Variants in SMYD4 observed in about 807,000 individuals in gnomAD.
The protein encoded by SMYD4 is protein-lysine N-methyltransferase SMYD4.
In SMYD4, 68 loss-of-function variants were observed where a neutral mutation model predicts 72.8. The ratio of observed to expected loss-of-function variants is 0.93; its 90% CI spans 0.77 to 1.14. SMYD4 has a LOEUF of 1.14. Ranked by LOEUF, SMYD4 falls within the 50% of genes most tolerant of loss-of-function variation. The probability of loss-of-function intolerance (pLI) is 0.00; values close to 1 mark genes in which losing one functional copy is unlikely to be tolerated. For synonymous variants in SMYD4, 407 were observed against 388.6 expected, an observed-to-expected ratio of 1.05 and a Z score of -0.56; for missense variants, 984 against 1,003.7, an observed-to-expected ratio of 0.98 and a Z score of 0.27.
chr17:1,826,467 G>A (rs905219225), intron 2 of SMYD4, among the ~76,000 whole-genome samples: 11 of 135,978 alleles, frequency 8.1e-5, no homozygotes, highest in African/African-American at 3.0e-4. Context: ...ACTCCAGCCT[G>A]GGCAACAAGA....
intron 2 of SMYD4, among the ~76,000 whole-genome samples, chr17:1,826,460 C>G (rs1043680955): frequency 4.9e-5 from 7 of 142,408 alleles, no homozygotes; most frequent in Non-Finnish European, 9.0e-5. Flanking sequence ...CCACTGCACT[C>G]CAGCCTGGGC....
intron 3 of SMYD4, among the ~76,000 whole-genome samples, chr17:1,806,994 G>A (rs577626148): frequency 8.1e-4 from 123 of 151,964 alleles, no homozygotes; most frequent in Middle Eastern, 6.8e-3. Flanking sequence ...GGGTTCAAGC[G>A]ATTCTCCAGC....
intron 2 of SMYD4, among the ~76,000 whole-genome samples, chr17:1,815,046 A>ATG (rs1910517040): frequency 6.6e-6 from 1 of 151,822 alleles, no homozygotes; most frequent in Admixed American, 6.6e-5. Context: ...CTAACAATAG[A>ATG]TTATGAACTC....
chr17:1,790,721 TAGTC>T (rs1240430609), intron 5 of SMYD4, among the ~76,000 whole-genome samples: 1 of 151,998 alleles, frequency 6.6e-6, no homozygotes, highest in African/African-American at 2.4e-5. Flanking sequence ...TTCAGCATGT[TAGTC>T]AGGCTAGTCT....
intron 1 of SMYD4, among the ~76,000 whole-genome samples, chr17:1,828,966 T>C (rs1316650788): frequency 2.7e-5 from 3 of 109,924 alleles, no homozygotes; most frequent in Non-Finnish European, 6.9e-5. Context: ...CAACTATTCA[T>C]TTAACAAGGT....
At chr17:1,797,199 AG>A (rs1463000302) in intron 5 of SMYD4, among the ~76,000 whole-genome samples, 1 of 152,220 alleles carries the variant, frequency 6.6e-6, no homozygotes, top group Admixed American at 6.5e-5. Flanking sequence ...AAGCATGTAG[AG>A]TTTAGTGAAG....
At chr17:1,817,014 T>C (rs1312791080) in intron 2 of SMYD4, among the ~76,000 whole-genome samples, 1 of 151,982 alleles carries the variant, frequency 6.6e-6, no homozygotes, top group African/African-American at 2.4e-5. Flanking sequence ...GGTTATCCTT[T>C]CACTCTCTTG....
chr17:1,810,129 A>T (rs1193890433), intron 3 of SMYD4, among the ~76,000 whole-genome samples: 1 of 152,166 alleles, frequency 6.6e-6, no homozygotes, highest in African/African-American at 2.4e-5. Context: ...TCAAGCTAAC[A>T]GTCTCATCAG....
chr17:1,802,645 T>C (rs1463449524), intron 4 of SMYD4, among the ~76,000 whole-genome samples: 1 of 152,242 alleles, frequency 6.6e-6, no homozygotes, highest in Non-Finnish European at 1.5e-5. Context: ...CCTGCTTTTC[T>C]CTTTTAGTCT....
rs1368136910 is a variant in SMYD4 at position 1,827,869 on chromosome 17, TGAAGA to T, written c.121_125del (p.Ser41ThrfsTer5). Reference sequence around the variant, plus strand: ...AAGCTTGATTTACTTACTGAAGAAGTGAAGAGGAGTGAAGAAAGATATCCCTCAAG... The same window carrying T: ...AAGCTTGATTTACTTACTGAAGAAGTGGAGTGAAGAAAGATATCCCTCAAG... On this transcript the variant is annotated frameshift_variant, in exon 2 of 11. Transcript: ENST00000305513. LOFTEE classifies it high-confidence loss of function. 23 of 1,602,272 alleles carry T rather than the reference TGAAGA, an allele frequency of 1.4e-5. No homozygotes were observed. The highest frequency in any genetic ancestry group is 2.0e-5 in the Non-Finnish European group (23 of 1,170,322).
intron 4 of SMYD4, chr17:1,804,381 C>T (rs143864261): frequency 6.3e-4 from 235 of 374,014 alleles, no homozygotes; most frequent in African/African-American, 3.8e-3. Context: ...TCCACTGTGT[C>T]GGCCACGCTG....
At chr17:1,818,046 CAAAAA>C (rs540448588) in intron 2 of SMYD4, among the ~76,000 whole-genome samples, 1 of 103,266 alleles carries the variant, frequency 9.7e-6, no homozygotes, top group African/African-American at 3.8e-5. Context: ...GACTCTGTCT[CAAAAA>C]AAAAAAAAAA....
chr17:1,808,872 T>C (rs1192104339), intron 3 of SMYD4, among the ~76,000 whole-genome samples: 1 of 152,202 alleles, frequency 6.6e-6, no homozygotes, highest in African/African-American at 2.4e-5. Context: ...AAAGCTTACA[T>C]TATTTAGCTA....
Position 1,827,900 on chromosome 17 carries a change from G to T in SMYD4, c.95C>A (p.Thr32Asn), listed in dbSNP as rs561553588. The change falls in exon 2 of 11, where the codon ACC becomes AAC. Residue 32 changes from threonine (T) to asparagine (N), a missense_variant. Transcript: ENST00000305513. The stretch of plus-strand genomic sequence containing the variant: ...GGAGTGAAGAAAGATATCCCTCAAG[G>T]TCTCTGCTGTAGAAATTGTGACCTG... ...SVQVTISTAE[T>N]LRDIFLHSSS... is the part of the protein sequence containing the mutation. The T allele has an allele frequency of 2.5e-6, 4 of 1,612,710 alleles. No individual in the cohort carries two copies. The highest frequency in any genetic ancestry group is 3.4e-6 in the Non-Finnish European group (4 of 1,178,814).
In SMYD4 at chr17:1,801,019, A is replaced by G; in HGVS notation, c.375T>C (p.Cys125=). 6.3e-7 allele frequency: 1 copy of G among 1,596,892 alleles called. No homozygotes were observed. The highest frequency in any genetic ancestry group is 1.1e-5 in the South Asian group (1 of 90,238). The change falls in exon 5 of 11, where the codon TGT becomes TGC. Residue 125 remains cysteine, a synonymous_variant. Transcript: ENST00000305513. ...TCTGTGCTCTGTTAATGTCTTTAAG[A>G]CACGTCTGAAAACAGAAAGAAAATC... ...ALFHLGQYET[C]LKDINRAQTH...
chr17:1,801,022 C>A lies in SMYD4; in HGVS notation c.372G>T (p.Thr124=). The A allele has an allele frequency of 6.3e-7, 1 of 1,586,870 alleles. No homozygotes were observed. The highest frequency in any genetic ancestry group is 1.3e-5 in the African/African-American group (1 of 74,220). ...AALFHLGQYE[T]CLKDINRAQT... ...GTGCTCTGTTAATGTCTTTAAGACA[C>A]GTCTGAAAACAGAAAGAAAATCCCA... The change falls in exon 5 of 11, where the codon ACG becomes ACT. Residue 124 remains threonine, a splice_region_variant and synonymous_variant. Coordinates refer to ENST00000305513, the MANE Select transcript of SMYD4 (RefSeq NM_052928.3).
intron 9 of SMYD4, 33 bp from the exon 10 acceptor site, chr17:1,783,191 G>GAACC: frequency 6.2e-7 from 1 of 1,613,884 alleles, no homozygotes; most frequent in Non-Finnish European, 8.5e-7. Flanking sequence ...TTCCAGAAAA[G>GAACC]AACCACTGTC....
At chr17:1,797,026 G>A (rs1909443826) in intron 5 of SMYD4, among the ~76,000 whole-genome samples, 2 of 149,766 alleles carry the variant, frequency 1.3e-5, no homozygotes, top group Admixed American at 1.3e-4. Context: ...ATTTTTAGAT[G>A]TTCCACGAGC....
chr17:1,788,858 T>C (rs1428076539), intron 5 of SMYD4, among the ~76,000 whole-genome samples: 1 of 152,218 alleles, frequency 6.6e-6, no homozygotes, highest in Non-Finnish European at 1.5e-5. Flanking sequence ...CTGGCTTTTC[T>C]CAAAGCCATC....
Sources: allele counts gnomAD v4.1 joint callset (sites outside exome capture counted in the v4.1 genomes callset), GRCh38; gene constraint gnomAD v4.1.1; transcripts MANE v1.5; gene names NCBI Gene and HGNC (gene_info 2026-07-23, HGNC 2026-07-21).